STAG3: variants seen among roughly 807,000 people sequenced by gnomAD.
The protein encoded by STAG3 is STAG3 cohesin complex component.
STAG3 carries 101 observed loss-of-function variants against 160.7 expected under a neutral mutation model. The ratio of observed to expected loss-of-function variants is 0.63; its 90% CI spans 0.54 to 0.74. The LOEUF (loss-of-function observed/expected upper bound fraction) is 0.74. STAG3 is among the 30% of genes least tolerant of loss of function. The probability of loss-of-function intolerance (pLI) is 0.00; values close to 1 mark genes in which losing one functional copy is unlikely to be tolerated. For missense variants in STAG3, 1,188 were observed against 1,517.4 expected (o/e 0.78, Z 3.61); for synonymous variants, 519 against 585.0 (o/e 0.89, Z 1.63).
intron 5 of STAG3, among the ~76,000 whole-genome samples, chr7:100,186,911 C>G (rs1019982365): frequency 1.3e-5 from 2 of 152,188 alleles, no homozygotes; most frequent in African/African-American, 4.8e-5. Context: ...TCCTCTGTAG[C>G]TGTGGTACCC....
chr7:100,216,853 T>TC (rs1223888690), downstream of STAG3, among the ~76,000 whole-genome samples: 12 of 152,080 alleles, frequency 7.9e-5, no homozygotes, highest in Admixed American at 7.9e-4. Context: ...AACAGGCAAA[T>TC]CAAGTGGATT....
At chr7:100,203,601 G>A (rs747191316) in intron 25 of STAG3, among the ~76,000 whole-genome samples, 10 of 151,510 alleles carry the variant, frequency 6.6e-5, no homozygotes, top group East Asian at 1.9e-4. Context: ...TACAAGGTCC[G>A]GCTCCTGGGT....
rs1165853337 is a variant in STAG3 at position 100,207,695 on chromosome 7, C to T, written c.3238+2311C>T. Among the ~76,000 whole-genome samples the T allele has an allele frequency of 5.3e-5, 8 of 152,266 alleles. No individual in the cohort carries two copies. Among genetic ancestry groups the T allele is most frequent in the Middle Eastern group, 3.4e-3 (1 of 294 alleles). On this transcript the variant is annotated intron_variant, in intron 29 of 33. Coordinates refer to ENST00000615138, the MANE Select transcript of STAG3 (RefSeq NM_001282717.2). This position sits in a 1 kb window ranked among gnomAD's most constrained non-coding sequence, Gnocchi z 4.0. ...GTTATTGGTGGTGTCCTTTGAAACA[C>T]AAAAGTTCTTGAATTTGGTGAAATC...
At chr7:100,183,111 T>G (rs970431987) in intron 4 of STAG3, among the ~76,000 whole-genome samples, 1 of 152,188 alleles carries the variant, frequency 6.6e-6, no homozygotes, top group Non-Finnish European at 1.5e-5. Context: ...CCTCCTGGGT[T>G]CAAGCGATTC....
chr7:100,200,244 C>T lies in STAG3; in HGVS notation c.1686C>T (p.Thr562=), dbSNP rs112029494. 3.7e-6 allele frequency: 6 copies of T among 1,611,886 alleles called. No homozygotes were observed. Among genetic ancestry groups the T allele is most frequent in the African/African-American group, 2.7e-5 (2 of 74,902 alleles). Residue 562 remains threonine, a synonymous_variant, in exon 17 of 34, where the codon ACC becomes ACT. Coordinates refer to ENST00000615138, the MANE Select transcript of STAG3 (RefSeq NM_001282717.2). ...AGTGACTCTCATTCCAGGGCTTAAC[C>T]TCTAAGGAGCGCAAGACCCAAGCCG... The part of the protein sequence containing the change: ...VGRVTGRKGL[T]SKERKTQADD...
chr7:100,207,438 T>C lies in STAG3; in HGVS notation c.3238+2054T>C, dbSNP rs909886027. Among the ~76,000 whole-genome samples, 4 of 152,204 alleles carry C rather than the reference T, an allele frequency of 2.6e-5. No homozygotes were observed. The highest frequency in any genetic ancestry group is 6.5e-5 in the Admixed American group (1 of 15,276). ...AGTAGCTGTGAGGTGTGGTATCTCA[T>C]TGTGGTTTAAATTTGCATTTCCCTA... is the stretch of plus-strand genomic sequence containing the variant. On this transcript the variant is annotated intron_variant, in intron 29 of 33. Transcript: ENST00000615138. This position sits in a 1 kb window ranked among gnomAD's most constrained non-coding sequence, Gnocchi z 4.0.
At chr7:100,196,884 T>C (rs1418826388) in intron 9 of STAG3, among the ~76,000 whole-genome samples, 1 of 152,140 alleles carries the variant, frequency 6.6e-6, no homozygotes, top group African/African-American at 2.4e-5. Flanking sequence ...TAGTCCTAGC[T>C]ACTTGAGAGG....
chr7:100,213,686 G>C, intron 32 of STAG3, 49 bp from the exon 33 acceptor site: 1 of 1,613,698 alleles, frequency 6.2e-7, no homozygotes, highest in Non-Finnish European at 8.5e-7. Flanking sequence ...TTTGCGAAGT[G>C]ACAGGAGTGT....
intron 5 of STAG3, 72 bp downstream of exon 5, chr7:100,186,368 G>A: frequency 7.4e-7 from 1 of 1,355,672 alleles, no homozygotes; most frequent in South Asian, 1.2e-5. Flanking sequence ...TCTCCATTTA[G>A]ATAAGTAGGA....
intron 21 of STAG3, 51 bp downstream of exon 21, chr7:100,201,402 G>A (rs1422129714): frequency 6.5e-7 from 1 of 1,538,634 alleles, no homozygotes; most frequent in African/African-American, 1.4e-5. Context: ...TAGATTTTAA[G>A]GACCTACGTT....
At chr7:100,209,376 G>C (rs1184977943) in intron 29 of STAG3, among the ~76,000 whole-genome samples, 1 of 152,198 alleles carries the variant, frequency 6.6e-6, no homozygotes, top group Non-Finnish European at 1.5e-5. Context: ...CGAGGGGATG[G>C]GGGGAATGTT....
chr7:100,199,120 T>C, intron 14 of STAG3, 142 bp from the exon 15 acceptor site: 1 of 865,368 alleles, frequency 1.2e-6, no homozygotes, highest in Non-Finnish European at 1.9e-6. Context: ...TGAGACCCTG[T>C]CTCTATCGAA....
At chr7:100,198,384 T>G (rs1800834184) in intron 12 of STAG3, 91 bp from the exon 13 acceptor site, 3 of 1,415,982 alleles carry the variant, frequency 2.1e-6, no homozygotes, top group Non-Finnish European at 3.0e-6. Context: ...AGTTATGTCC[T>G]TGTTGCTTTT....
At chr7:100,196,871 T>C (rs1562979052) in intron 9 of STAG3, among the ~76,000 whole-genome samples, 1 of 152,080 alleles carries the variant, frequency 6.6e-6, no homozygotes, top group Non-Finnish European at 1.5e-5. Context: ...TGGCACATTT[T>C]TGTAGTCCTA....
In STAG3 at chr7:100,207,083, C is replaced by T. The variant is rs912553218; in HGVS notation, c.3238+1699C>T. Among the ~76,000 whole-genome samples the T allele has an allele frequency of 5.3e-5, 8 of 152,058 alleles. No homozygotes were observed. Among genetic ancestry groups the T allele is most frequent in the Non-Finnish European group, 8.8e-5 (6 of 68,030 alleles). Reference sequence around the variant, plus strand: ...TCAGTATCTCATACCTTTTTATGGCCGAAACAATATGCCATCGTGTGGATA... The same window carrying T: ...TCAGTATCTCATACCTTTTTATGGCTGAAACAATATGCCATCGTGTGGATA... On this transcript the variant is annotated intron_variant, in intron 29 of 33. Transcript: ENST00000615138. This position sits in a 1 kb window ranked among gnomAD's most constrained non-coding sequence, Gnocchi z 4.0.
chr7:100,188,830 C>G lies in STAG3; in HGVS notation c.529C>G (p.Leu177Val), dbSNP rs1156824213. The G allele has an allele frequency of 1.1e-5, 18 of 1,614,030 alleles. No individual in the cohort carries two copies. Among genetic ancestry groups the G allele is most frequent in the African/African-American group, 2.7e-5 (2 of 74,894 alleles). ...QFNEDSGDYP[L>V]IAPGPSWKKF... The stretch of plus-strand genomic sequence containing the variant: ...TTTGTAGGACTCGGGGGACTACCCT[C>G]TCATAGCTCCAGGTCCATCCTGGAA... The change falls in exon 7 of 34, where the codon CTC becomes GTC. Residue 177 changes from leucine (L) to valine (V), a missense_variant. Physicochemically the swap from Leu to Val is conservative, Grantham distance 32. Around this residue, in one of 4 missense-constraint regions of STAG3, gnomAD observed 296 missense variants for 404.0 expected, o/e 0.73. Transcript: ENST00000615138.
downstream of STAG3, among the ~76,000 whole-genome samples, chr7:100,217,898 T>G (rs552782232): frequency 7.3e-4 from 111 of 151,806 alleles, 1 homozygote; most frequent in Middle Eastern, 3.4e-3. Flanking sequence ...GGGTGACTGC[T>G]GAAGCACAGC....
intron 21 of STAG3, 172 bp downstream of exon 21, chr7:100,201,523 C>T (rs2117326435): frequency 1.6e-6 from 1 of 643,318 alleles, no homozygotes; most frequent in East Asian, 2.7e-5. Flanking sequence ...GTGGACTCTA[C>T]TTCCAGGGTC....
chr7:100,191,386 G>A lies in STAG3; in HGVS notation c.867+1790G>A, dbSNP rs569084401. Among the ~76,000 whole-genome samples the A allele has an allele frequency of 3.0e-4, 45 of 152,066 alleles. No individual in the cohort carries two copies. The South Asian group carries it at 7.7e-3, about 26-fold the overall frequency. ...TTTCCAAATTGTTAGAAACATATAC[G>A]GGCATCATACCTCAAAGATATTGCA... is the stretch of plus-strand genomic sequence containing the variant. On this transcript the variant is annotated intron_variant, in intron 8 of 33. Transcript: ENST00000615138.
Sources: gnomAD v4.1 joint callset for allele counts (sites outside exome capture counted in the v4.1 genomes callset) on GRCh38, gnomAD v4.1.1 for gene constraint, gnomAD v4.1.1 regional missense constraint, Gnocchi (gnomAD v3.1) non-coding constraint, MANE v1.5 for transcripts, NCBI Gene and HGNC (gene_info 2026-07-23, HGNC 2026-07-21) for gene names.